Variants in GHR observed in about 807,000 individuals in gnomAD.
GHR encodes growth hormone receptor, also known as GH receptor.
In GHR, 35 loss-of-function variants were observed where a neutral mutation model predicts 67.1. The ratio of observed to expected loss-of-function variants is 0.52; its 90% CI spans 0.40 to 0.69. The LOEUF is 0.69. Ranked by LOEUF, GHR falls within the 30% of genes least tolerant of loss-of-function variation. The probability of loss-of-function intolerance (pLI) is 0.00; values close to 1 mark genes in which losing one functional copy is unlikely to be tolerated. For missense variants in GHR, 792 were observed against 764.6 expected (o/e 1.04, Z -0.42); for synonymous variants, 272 against 269.1 (o/e 1.01, Z -0.10).
intron 1 of GHR, among the ~76,000 whole-genome samples, chr5:42,540,213 C>G (rs915855187): frequency 3.6e-4 from 55 of 150,820 alleles, no homozygotes; most frequent in African/African-American, 1.4e-3. Flanking sequence ...CTCTCTCTCT[C>G]TCTCTCTGTA....
intron 1 of GHR, among the ~76,000 whole-genome samples, chr5:42,429,130 G>A (rs778857530): frequency 1.4e-4 from 21 of 152,268 alleles, no homozygotes; most frequent in East Asian, 3.9e-4. Flanking sequence ...TTTAATGGTC[G>A]CACAGTTCCA....
chr5:42,675,085 T>A (rs1327142007), intron 3 of GHR, among the ~76,000 whole-genome samples: 1 of 152,254 alleles, frequency 6.6e-6, no homozygotes, highest in Non-Finnish European at 1.5e-5. Flanking sequence ...TAAACTTGAC[T>A]GAATTTAGTG....
intron 3 of GHR, chr5:42,647,660 C>T (rs924180892): frequency 2.2e-5 from 10 of 451,362 alleles, no homozygotes; most frequent in Admixed American, 7.1e-5. Context: ...AGGAGTCTTA[C>T]ATGCAAGCCT....
intron 3 of GHR, among the ~76,000 whole-genome samples, chr5:42,676,482 T>A (rs1009673551): frequency 1.3e-5 from 2 of 152,168 alleles, no homozygotes; most frequent in Admixed American, 6.5e-5. Context: ...TTTTATTAAA[T>A]TTTTTGTCAG....
At chr5:42,539,689 A>G (rs1003579745) in intron 1 of GHR, among the ~76,000 whole-genome samples, 1 of 152,182 alleles carries the variant, frequency 6.6e-6, no homozygotes, top group African/African-American at 2.4e-5. Context: ...TTACTGAGGA[A>G]CACTCTTTTT....
chr5:42,701,897 TCCA>T (rs1757947966), intron 6 of GHR, among the ~76,000 whole-genome samples: 1 of 152,102 alleles, frequency 6.6e-6, no homozygotes, highest in South Asian at 2.1e-4. Context: ...GGGGAAATGA[TCCA>T]TTCAAAGTAC....
At chr5:42,593,234 T>A (rs980148266) in intron 2 of GHR, among the ~76,000 whole-genome samples, 6 of 152,242 alleles carry the variant, frequency 3.9e-5, no homozygotes, top group Admixed American at 1.3e-4. Context: ...CTCATAAATC[T>A]ATATTGCATC....
chr5:42,532,095 A>G (rs935944113), intron 1 of GHR, among the ~76,000 whole-genome samples: 2 of 152,008 alleles, frequency 1.3e-5, no homozygotes, highest in African/African-American at 4.8e-5. Flanking sequence ...TGGAAGGGAC[A>G]CATTGTGGCT....
chr5:42,525,996 T>G (rs997593632), intron 1 of GHR, among the ~76,000 whole-genome samples: 1 of 152,284 alleles, frequency 6.6e-6, no homozygotes, highest in Admixed American at 6.5e-5. Context: ...ACTAATACAG[T>G]GTCCAAGGGA....
At chr5:42,701,117 G>A (rs1757909421) in intron 6 of GHR, among the ~76,000 whole-genome samples, 1 of 152,080 alleles carries the variant, frequency 6.6e-6, no homozygotes, top group South Asian at 2.1e-4. Context: ...GACCCTTTCA[G>A]GGAGTTCAGT....
intron 1 of GHR, among the ~76,000 whole-genome samples, chr5:42,427,591 T>A (rs188008912): frequency 6.6e-6 from 1 of 152,284 alleles, no homozygotes. Context: ...AAATCTCATG[T>A]TCTCACATTT....
chr5:42,635,920 A>C (rs1754155557), intron 3 of GHR, among the ~76,000 whole-genome samples: 1 of 151,950 alleles, frequency 6.6e-6, no homozygotes, highest in Non-Finnish European at 1.5e-5. Context: ...GTGAGTAAAA[A>C]AAATTTTAGG....
intron 1 of GHR, among the ~76,000 whole-genome samples, chr5:42,471,703 A>G (rs1238908402): frequency 1.3e-5 from 2 of 152,224 alleles, no homozygotes; most frequent in Non-Finnish European, 2.9e-5. Flanking sequence ...GCTGGTCTGC[A>G]ACAAGTACTA....
intron 1 of GHR, among the ~76,000 whole-genome samples, chr5:42,517,904 C>T (rs887034210): frequency 1.3e-5 from 2 of 151,728 alleles, no homozygotes; most frequent in Non-Finnish European, 2.9e-5. Context: ...GGTCTAAGGA[C>T]CAAATGAGGT....
chr5:42,657,482 A>G (rs887631244), intron 3 of GHR, among the ~76,000 whole-genome samples: 3 of 152,144 alleles, frequency 2.0e-5, no homozygotes, highest in Non-Finnish European at 2.9e-5. Context: ...CCTGGCTAGA[A>G]AGAGAGAGAG....
chr5:42,592,894 C>A (rs1046071369), intron 2 of GHR, among the ~76,000 whole-genome samples: 1 of 152,160 alleles, frequency 6.6e-6, no homozygotes, highest in African/African-American at 2.4e-5. Context: ...TGCAACCTTG[C>A]CAGCATCTGT....
At chr5:42,439,477 C>T (rs892559425) in intron 1 of GHR, among the ~76,000 whole-genome samples, 9 of 152,230 alleles carry the variant, frequency 5.9e-5, no homozygotes, top group Non-Finnish European at 1.2e-4. Flanking sequence ...ATTGCATTAA[C>T]TCTGCTTTAT....
chr5:42,573,384 A>G (rs974833423), intron 2 of GHR, among the ~76,000 whole-genome samples: 4 of 152,134 alleles, frequency 2.6e-5, no homozygotes, highest in African/African-American at 9.7e-5. Flanking sequence ...TACCACCAAG[A>G]TCAGAATTCT....
At chr5:42,613,277 C>G (rs933061985) in intron 2 of GHR, among the ~76,000 whole-genome samples, 7 of 152,060 alleles carry the variant, frequency 4.6e-5, no homozygotes, top group African/African-American at 1.7e-4. Flanking sequence ...TCTAGTAATA[C>G]TTTGTTAATT....
Sources: gnomAD v4.1 joint callset for allele counts (sites outside exome capture counted in the v4.1 genomes callset) on GRCh38, gnomAD v4.1.1 for gene constraint, MANE v1.5 for transcripts, NCBI Gene and HGNC (gene_info 2026-07-23, HGNC 2026-07-21) for gene names.